Variants in FAM135A observed in about 807,000 individuals in gnomAD.
The protein encoded by FAM135A is family with sequence similarity 135 member A.
In FAM135A, 79 loss-of-function variants were observed where a neutral mutation model predicts 146.8. That is an observed-to-expected ratio of 0.54 (90% CI 0.45 to 0.65). The LOEUF is 0.65. Among genes scored for constraint, FAM135A ranks in the 30% least tolerant of loss-of-function variants. The pLI is 0.00. For missense variants in FAM135A, 1,623 were observed against 1,758.2 expected, an observed-to-expected ratio of 0.92 and a Z score of 1.38; for synonymous variants, 562 against 603.6, an observed-to-expected ratio of 0.93 and a Z score of 1.01.
intron 5 of FAM135A, 79 bp from the exon 6 acceptor site, chr6:70,475,331 G>C: frequency 8.6e-7 from 1 of 1,158,126 alleles, no homozygotes; most frequent in South Asian, 1.5e-5. Context: ...CAAACATACA[G>C]TATTTTAAAG....
chr6:70,432,612 G>A (rs1050514900), intron 4 of FAM135A, among the ~76,000 whole-genome samples: 3 of 152,114 alleles, frequency 2.0e-5, no homozygotes, highest in East Asian at 1.9e-4. Flanking sequence ...ACTTAACAGA[G>A]TATGGGAAAT....
intron 5 of FAM135A, among the ~76,000 whole-genome samples, chr6:70,454,059 A>C (rs567945829): frequency 6.6e-6 from 1 of 152,170 alleles, no homozygotes; most frequent in Non-Finnish European, 1.5e-5. Flanking sequence ...GTTTCTCCAC[A>C]TCCTCTCTAG....
At position 70,541,133 on chromosome 6, in the gene FAM135A, A is replaced by G. The variant is rs559424941; in HGVS notation, c.4228+2732A>G. The stretch of plus-strand genomic sequence containing the variant: ...CTCATACCTTCTCATCAGTATCTTT[A>G]AACTCTTACTCTTTCAGTAATTAAT... On this transcript the variant is annotated intron_variant, in intron 20 of 21. Coordinates refer to ENST00000418814, the MANE Select transcript of FAM135A (RefSeq NM_001162529.3). 1.6e-4 allele frequency among the ~76,000 whole-genome samples: 25 copies of G among 152,322 alleles called. No homozygotes were observed. In the South Asian group the frequency reaches 4.8e-3, roughly 29 times the overall value.
chr6:70,435,081 GTATATATATATA>G (rs767689681), intron 4 of FAM135A, among the ~76,000 whole-genome samples: 3 of 94,280 alleles, frequency 3.2e-5, no homozygotes, highest in East Asian at 5.4e-4. Context: ...GTGTGTGTGT[GTATATATATATA>G]TATATATATA....
intron 4 of FAM135A, among the ~76,000 whole-genome samples, chr6:70,448,004 A>G (rs935165245): frequency 6.8e-6 from 1 of 147,602 alleles, no homozygotes; most frequent in Non-Finnish European, 1.5e-5. Context: ...GCTCAAATGT[A>G]GCTATAATAT....
At position 70,533,223 on chromosome 6, in the gene FAM135A, T is replaced by C. The variant is rs1327605643; in HGVS notation, c.3839T>C (p.Ile1280Thr). 6.2e-7 allele frequency: 1 copy of C among 1,613,170 alleles called. No individual in the cohort carries two copies. Among genetic ancestry groups the C allele is most frequent in the Admixed American group, 1.7e-5 (1 of 59,934 alleles). Residue 1280 changes from isoleucine to threonine, a missense_variant, in exon 17 of 22, where the codon ATT becomes ACT. By Grantham distance (89) the Ile-to-Thr change is moderately conservative. Transcript: ENST00000418814. ...GAACTTGGATTGCCTGGGGGAAGAATTGATTTTCTTATGTCTGAGAGAAAT... is the reference window on the plus strand; with the variant it reads ...GAACTTGGATTGCCTGGGGGAAGAACTGATTTTCTTATGTCTGAGAGAAAT... ...YIELGLPGGRIDFLMSERNQN... is the reference protein window; with the variant it reads ...YIELGLPGGRTDFLMSERNQN...
At chr6:70,419,308 G>A (rs1768244273) in intron 2 of FAM135A, among the ~76,000 whole-genome samples, 1 of 152,042 alleles carries the variant, frequency 6.6e-6, no homozygotes, top group Admixed American at 6.5e-5. Context: ...AGTCCCAGCT[G>A]CTTGGGAGGC....
chr6:70,443,945 A>G (rs922517538), intron 4 of FAM135A, among the ~76,000 whole-genome samples: 2 of 152,142 alleles, frequency 1.3e-5, no homozygotes, highest in African/African-American at 4.8e-5. Context: ...CAGTAATTTT[A>G]CAGATATACT....
At chr6:70,515,998 T>A (rs34257638) in intron 12 of FAM135A, among the ~76,000 whole-genome samples, 21,097 of 152,198 alleles carry the variant, frequency 0.14, 1,891 homozygotes, top group Middle Eastern at 0.22. Flanking sequence ...CTCTTTCTAT[T>A]GGCTGATTTT....
At chr6:70,443,578 G>A (rs886941369) in intron 4 of FAM135A, among the ~76,000 whole-genome samples, 2 of 152,236 alleles carry the variant, frequency 1.3e-5, no homozygotes, top group Non-Finnish European at 2.9e-5. Context: ...GTTGAATGAA[G>A]AGTGACTATA....
Position 70,556,883 on chromosome 6 carries a change from T to G in FAM135A, c.4342+20T>G, listed in dbSNP as rs1466850445. On this transcript the variant is annotated intron_variant, in intron 21 of 21. Transcript: ENST00000418814. ...AGTCAGGTAATGGAATAAAATTATT[T>G]CAAAGAGTTATAGGTATTAATGAGC... 11 of 1,602,644 alleles carry G rather than the reference T, an allele frequency of 6.9e-6. No homozygotes were observed. The highest frequency in any genetic ancestry group is 1.7e-5 in the Admixed American group (1 of 59,970).
intron 12 of FAM135A, among the ~76,000 whole-genome samples, chr6:70,519,973 A>G (rs759126082): frequency 5.6e-4 from 85 of 152,170 alleles, no homozygotes; most frequent in Non-Finnish European, 1.1e-3. Context: ...ATGCACTAGT[A>G]TTCCATATTA....
At position 70,533,237 on chromosome 6, in the gene FAM135A, T is replaced by A; in HGVS notation, c.3853T>A (p.Ser1285Thr). 1.2e-6 allele frequency: 2 copies of A among 1,612,486 alleles called. No homozygotes were observed. Among genetic ancestry groups the A allele is most frequent in the Non-Finnish European group, 1.7e-6 (2 of 1,178,856 alleles). ...LPGGRIDFLMSERNQNDTFAD... is the reference protein window; with the variant it reads ...LPGGRIDFLMTERNQNDTFAD... ...TGGGGGAAGAATTGATTTTCTTATGTCTGAGAGAAATCAGGTACAATATGA... is the reference window on the plus strand; with the variant it reads ...TGGGGGAAGAATTGATTTTCTTATGACTGAGAGAAATCAGGTACAATATGA... The change falls in exon 17 of 22, where the codon TCT becomes ACT. Residue 1285 changes from serine (S) to threonine (T), a missense_variant. Ser to Thr is a moderately conservative substitution (Grantham distance 58, BLOSUM62 1). This residue lies in a region of FAM135A where 1,061 missense variants were observed against 1,113.8 expected (regional missense o/e 0.95). Coordinates refer to ENST00000418814, the MANE Select transcript of FAM135A (RefSeq NM_001162529.3).
chr6:70,514,927 G>A (rs1195498372), intron 12 of FAM135A, among the ~76,000 whole-genome samples: 1 of 152,172 alleles, frequency 6.6e-6, no homozygotes, highest in Non-Finnish European at 1.5e-5. Flanking sequence ...TTAACAAAAT[G>A]TGCCTCAGTA....
intron 2 of FAM135A, among the ~76,000 whole-genome samples, chr6:70,424,898 C>T (rs933904628): frequency 6.6e-6 from 1 of 151,994 alleles, no homozygotes; most frequent in African/African-American, 2.4e-5. Flanking sequence ...AGTATGTTCT[C>T]CTTTTGCCTG....
chr6:70,470,310 T>G lies in FAM135A; in HGVS notation c.158-5100T>G, dbSNP rs189797445. On this transcript the variant is annotated intron_variant, in intron 5 of 21. Coordinates refer to ENST00000418814, the MANE Select transcript of FAM135A (RefSeq NM_001162529.3). Reference sequence around the variant, plus strand: ...ATGCCTCTGACTCAGGATCTCTCATTAGGTTATAGTCATTTACTTCTGCTG... The same window carrying G: ...ATGCCTCTGACTCAGGATCTCTCATGAGGTTATAGTCATTTACTTCTGCTG... 7.5e-4 allele frequency among the ~76,000 whole-genome samples: 115 copies of G among 152,324 alleles called. 1 individual carries two copies. Among genetic ancestry groups the G allele is most frequent in the Admixed American group, 5.2e-3 (80 of 15,296 alleles).
chr6:70,556,914 C>A (rs373193452), intron 21 of FAM135A, 51 bp downstream of exon 21: 88 of 1,476,070 alleles, frequency 6.0e-5, no homozygotes, highest in Non-Finnish European at 7.8e-5. Context: ...TGAGCTCTTT[C>A]CAAAATTTTT....
At chr6:70,451,658 A>C (rs1777108890) in intron 4 of FAM135A, among the ~76,000 whole-genome samples, 2 of 152,242 alleles carry the variant, frequency 1.3e-5, no homozygotes, top group Non-Finnish European at 2.9e-5. Flanking sequence ...ACAGTAATTA[A>C]TATATTTATA....
chr6:70,462,837 G>C (rs1305169301), intron 5 of FAM135A, among the ~76,000 whole-genome samples: 1 of 152,184 alleles, frequency 6.6e-6, no homozygotes, highest in Non-Finnish European at 1.5e-5. Flanking sequence ...ATAAAAGTAA[G>C]GAAAGATTGT....
Sources: allele counts gnomAD v4.1 joint callset (sites outside exome capture counted in the v4.1 genomes callset), GRCh38; gene constraint gnomAD v4.1.1; regional missense constraint gnomAD v4.1.1; transcripts MANE v1.5; gene names NCBI Gene and HGNC (gene_info 2026-07-23, HGNC 2026-07-21).